EMC7: variants seen among roughly 807,000 people sequenced by gnomAD.
EMC7 encodes ER membrane protein complex subunit 7, also known as endoplasmic reticulum membrane protein complex subunit 7.
A neutral mutation model predicts 24.4 loss-of-function variants in EMC7; 4 were observed. The ratio of observed to expected loss-of-function variants is 0.16; its 90% confidence interval spans 0.08 to 0.38. The LOEUF (loss-of-function observed/expected upper bound fraction) is 0.38. Ranked by LOEUF, EMC7 falls within the 10% of genes least tolerant of loss-of-function variation. EMC7 has a pLI of 1.00. For synonymous variants in EMC7, 106 were observed against 112.0 expected (o/e 0.95, Z 0.34); for missense variants, 221 against 300.6 (o/e 0.74, Z 1.96).
intron 1 of EMC7, 112 bp from the exon 2 acceptor site, chr15:34,096,126 A>C (rs1052249197): frequency 3.4e-6 from 4 of 1,190,204 alleles, no homozygotes; most frequent in Non-Finnish European, 4.5e-6. Flanking sequence ...GCAACGGGCA[A>C]ACAAACAAAC....
intron 1 of EMC7, among the ~76,000 whole-genome samples, chr15:34,099,659 G>A (rs1901143915): frequency 6.6e-6 from 1 of 152,112 alleles, no homozygotes; most frequent in South Asian, 2.1e-4. Flanking sequence ...AGGCTGGAAC[G>A]CAATGGCATG....
chr15:34,091,205 C>T (rs1419665373), intron 2 of EMC7, among the ~76,000 whole-genome samples: 2 of 152,040 alleles, frequency 1.3e-5, no homozygotes, highest in African/African-American at 4.8e-5. Context: ...ATATCTATAG[C>T]CTATTTTGGT....
At chr15:34,099,880 G>GT (rs561955851) in intron 1 of EMC7, among the ~76,000 whole-genome samples, 83 of 152,192 alleles carry the variant, frequency 5.5e-4, no homozygotes, top group African/African-American at 2.0e-3. Context: ...AAGATTACAG[G>GT]TATGAGCCAC....
At chr15:34,097,103 G>A (rs1199685937) in intron 1 of EMC7, among the ~76,000 whole-genome samples, 1 of 140,508 alleles carries the variant, frequency 7.1e-6, no homozygotes, top group African/African-American at 2.7e-5. Context: ...GCCCTATCTC[G>A]GCTCACTGCA....
rs1053053920 is a variant in EMC7, at chr15:34,090,547, A to G, written c.357-92T>C. On this transcript the variant is annotated intron_variant, in intron 2 of 4. Transcript: ENST00000256545. ...TTATATTATATTAGCAATGCCTTAT[A>G]CACACTTTCAGCTTTTTCCAAAATG... The G allele has an allele frequency of 1.8e-5, 24 of 1,327,350 alleles. No homozygotes were observed. The African/African-American group carries it at 3.5e-4, about 19-fold the overall frequency. The allele number at this position is 1,327,350 out of a possible 1,614,324, so 82.2% of individuals were successfully genotyped here.
At chr15:34,098,220 A>G (rs1283042045) in intron 1 of EMC7, among the ~76,000 whole-genome samples, 2 of 152,074 alleles carry the variant, frequency 1.3e-5, no homozygotes, top group East Asian at 3.9e-4. Flanking sequence ...GTGTCTTTCA[A>G]TGCAGGCCTT....
chr15:34,096,746 G>T (rs1353308691), intron 1 of EMC7, among the ~76,000 whole-genome samples: 1 of 151,964 alleles, frequency 6.6e-6, no homozygotes, highest in African/African-American at 2.4e-5. Context: ...CCAGCACTTT[G>T]GGAGGCCGAG....
chr15:34,084,850 C>T (rs1047204994), intron 4 of EMC7, among the ~76,000 whole-genome samples: 18 of 151,768 alleles, frequency 1.2e-4, no homozygotes, highest in Non-Finnish European at 2.6e-4. Context: ...CACCCATTAA[C>T]TCATCATTTA....
intron 2 of EMC7, among the ~76,000 whole-genome samples, chr15:34,093,361 C>T (rs1000861747): frequency 1.3e-5 from 2 of 151,590 alleles, no homozygotes; most frequent in African/African-American, 2.4e-5. Flanking sequence ...CGCTTGAACC[C>T]GGGAGGCGGA....
Position 34,095,985 on chromosome 15 carries a change from A to G in EMC7, c.266T>C (p.Ile89Thr), listed in dbSNP as rs1567503429. The change falls in exon 2 of 5, where the codon ATA becomes ACA. Residue 89 changes from isoleucine to threonine, a missense_variant. Physicochemically the swap from Ile to Thr is moderately conservative, Grantham distance 89. This residue lies in a region of EMC7 where 156 missense variants were observed against 177.1 expected (regional missense o/e 0.88). Coordinates refer to ENST00000256545, the MANE Select transcript of EMC7 (RefSeq NM_020154.3). ...TTCCACTACATAAGATCCAGAAGGT[A>G]TATCATGAACCACAAAACTCCCATC... Reference protein sequence around the residue: ...KTDGSFVVHDIPSGSYVVEVV... With the variant: ...KTDGSFVVHDTPSGSYVVEVV... The G allele has an allele frequency of 1.3e-6, 2 of 1,598,338 alleles. No homozygotes were observed. Among genetic ancestry groups the G allele is most frequent in the Non-Finnish European group, 1.7e-6 (2 of 1,168,956 alleles).
At chr15:34,086,491 C>T (rs1321869743) in intron 4 of EMC7, among the ~76,000 whole-genome samples, 1 of 152,034 alleles carries the variant, frequency 6.6e-6, no homozygotes, top group South Asian at 2.1e-4. Flanking sequence ...TGCAATGGCA[C>T]GATCTCAGCT....
intron 2 of EMC7, 81 bp from the exon 3 acceptor site, chr15:34,090,536 C>A: frequency 6.9e-7 from 1 of 1,456,342 alleles, no homozygotes; most frequent in South Asian, 1.4e-5. Flanking sequence ...ATTATATTAG[C>A]AATGCCTTAT....
At chr15:34,089,810 G>T (rs929261056) in intron 3 of EMC7, among the ~76,000 whole-genome samples, 9 of 152,312 alleles carry the variant, frequency 5.9e-5, no homozygotes, top group Non-Finnish European at 1.3e-4. Context: ...TACAAAATTA[G>T]CCGGGCGTGG....
intron 1 of EMC7, among the ~76,000 whole-genome samples, chr15:34,098,098 C>G (rs960830156): frequency 1.3e-5 from 2 of 152,170 alleles, no homozygotes; most frequent in Non-Finnish European, 2.9e-5. Flanking sequence ...CACTCTCTAC[C>G]TTTCTCCTCT....
At chr15:34,097,408 T>C (rs974862101) in intron 1 of EMC7, among the ~76,000 whole-genome samples, 10 of 152,182 alleles carry the variant, frequency 6.6e-5, no homozygotes, top group Admixed American at 5.9e-4. Context: ...ATAATTCCCA[T>C]TTACTTTGGT....
intron 2 of EMC7, among the ~76,000 whole-genome samples, chr15:34,094,915 T>G (rs921491873): frequency 6.6e-6 from 1 of 152,196 alleles, no homozygotes; most frequent in Admixed American, 6.5e-5. Context: ...TATTACATTT[T>G]TAAAACTTTC....
intron 2 of EMC7, among the ~76,000 whole-genome samples, chr15:34,095,313 C>T (rs987067064): frequency 6.6e-5 from 10 of 152,230 alleles, no homozygotes; most frequent in African/African-American, 2.4e-4. Context: ...GAAGCTGACT[C>T]TGAAGACTAT....
intron 1 of EMC7, among the ~76,000 whole-genome samples, chr15:34,097,050 T>TTTTTTTTTTTTC: frequency 6.9e-6 from 1 of 145,822 alleles, no homozygotes; most frequent in Admixed American, 6.8e-5. Flanking sequence ...TTTTTTTTTT[T>TTTTTTTTTTTTC]TGAGACGGAG....
At chr15:34,101,093 A>G (rs962734363) in intron 1 of EMC7, 3 of 152,048 alleles carry the variant, frequency 2.0e-5, no homozygotes, top group African/African-American at 7.3e-5. Context: ...GGGATTTCAG[A>G]GCCTATTAAT....
Sources: allele counts gnomAD v4.1 joint callset (sites outside exome capture counted in the v4.1 genomes callset), GRCh38; gene constraint gnomAD v4.1.1; regional missense constraint gnomAD v4.1.1; transcripts MANE v1.5; gene names NCBI Gene and HGNC (gene_info 2026-07-23, HGNC 2026-07-21).